NRP2: variants seen among roughly 807,000 people sequenced by gnomAD.
NRP2 encodes the protein neuropilin-2.
Under a neutral mutation model 110.4 loss-of-function variants are expected in NRP2, and 52 were observed. That is an observed-to-expected ratio of 0.47 (90% CI 0.38 to 0.59). NRP2 has a LOEUF of 0.59. Ranked by LOEUF, NRP2 falls within the 20% of genes least tolerant of loss-of-function variation. NRP2 has a pLI of 0.00. For synonymous variants in NRP2, 508 were observed against 468.9 expected (o/e 1.08, Z -1.08); for missense variants, 1,049 against 1,203.0 (o/e 0.87, Z 1.89).
intron 2 of NRP2, 44 bp from the exon 3 acceptor site, chr2:205,716,149 T>C (rs781637032): frequency 1.2e-6 from 2 of 1,600,938 alleles, no homozygotes; most frequent in Admixed American, 1.7e-5. Context: ...GTCCTTCTCA[T>C]GTCCTTCGAG....
chr2:205,789,130 G>T (rs1485214274), intron 15 of NRP2, among the ~76,000 whole-genome samples: 10 of 152,164 alleles, frequency 6.6e-5, no homozygotes, highest in Non-Finnish European at 2.9e-5. Context: ...AGATAAGGCA[G>T]ACTCTTTTAT....
intron 1 of NRP2, among the ~76,000 whole-genome samples, chr2:205,689,899 T>C (rs1201427500): frequency 6.6e-6 from 1 of 152,214 alleles, no homozygotes; most frequent in Non-Finnish European, 1.5e-5. Flanking sequence ...AAATAGCTTT[T>C]ACCCAGCAAG....
At chr2:205,751,444 A>T (rs2057643948) in intron 11 of NRP2, among the ~76,000 whole-genome samples, 2 of 152,180 alleles carry the variant, frequency 1.3e-5, no homozygotes. Context: ...GAAGAGAAAA[A>T]TAGAAATTCA....
intron 15 of NRP2, among the ~76,000 whole-genome samples, chr2:205,768,909 C>G (rs1043408089): frequency 6.6e-6 from 1 of 152,140 alleles, no homozygotes; most frequent in Non-Finnish European, 1.5e-5. Flanking sequence ...CACCTTGGCA[C>G]GTTTTACATG....
chr2:205,751,089 A>C (rs1345485091), intron 11 of NRP2, among the ~76,000 whole-genome samples: 4 of 152,154 alleles, frequency 2.6e-5, no homozygotes, highest in Non-Finnish European at 5.9e-5. Flanking sequence ...GACTTGGAGA[A>C]TCTTCCAAGA....
rs747270518 is a variant in NRP2, at chr2:205,763,977, A to G, written c.2307+41A>G. The G allele has an allele frequency of 3.6e-5, 58 of 1,611,714 alleles. No individual in the cohort carries two copies. The highest frequency in any genetic ancestry group is 4.5e-5 in the Non-Finnish European group (53 of 1,178,698). On this transcript the variant is annotated intron_variant, in intron 13 of 16. Transcript: ENST00000357785. This position sits in a 1 kb window ranked among gnomAD's most constrained non-coding sequence, Gnocchi z 4.0. ...AGGGAATCTTGTGATCCGTATTTCA[A>G]TATTTCAAGGGCCGAGCCCATTCAT...
Position 205,704,818 on chromosome 2 carries a change from C to T in NRP2, c.251+7097C>T, listed in dbSNP as rs541228386. 1.6e-4 allele frequency among the ~76,000 whole-genome samples: 25 copies of T among 152,270 alleles called. No individual in the cohort carries two copies. In the South Asian group the frequency reaches 4.8e-3, roughly 29 times the overall value. On this transcript the variant is annotated intron_variant, in intron 2 of 16. Transcript: ENST00000357785. Reference sequence around the variant, plus strand: ...GTTATCATGCACAATCCCACTTGTTCTGCCTCTCCACCCTGGCACCTTCTC... The same window carrying T: ...GTTATCATGCACAATCCCACTTGTTTTGCCTCTCCACCCTGGCACCTTCTC...
intron 3 of NRP2, 146 bp downstream of exon 3, chr2:205,716,520 T>C (rs1310110384): frequency 3.8e-6 from 2 of 520,650 alleles, no homozygotes; most frequent in African/African-American, 4.7e-5. Flanking sequence ...CCCACAAACA[T>C]CATGAGAAGA....
rs143474070 is a variant in NRP2, at chr2:205,713,118, G to C, written c.252-3075G>C. Among the ~76,000 whole-genome samples, 270 of 152,260 alleles carry C rather than the reference G, an allele frequency of 1.8e-3. 2 individuals are homozygous for C. Among genetic ancestry groups the C allele is most frequent in the African/African-American group, 6.0e-3 (250 of 41,544 alleles). ...AGGCAAGCTTGTAACAGTGGCATTT[G>C]TTGGGCAGCCCTGCTTCATTGCTGA... On this transcript the variant is annotated intron_variant, in intron 2 of 16. Coordinates refer to ENST00000357785, the MANE Select transcript of NRP2 (RefSeq NM_003872.3).
At chr2:205,744,614 T>G (rs1559342859) in intron 9 of NRP2, among the ~76,000 whole-genome samples, 1 of 152,174 alleles carries the variant, frequency 6.6e-6, no homozygotes, top group Non-Finnish European at 1.5e-5. Flanking sequence ...CAGGCCAGGC[T>G]CTCTGATTCT....
intron 12 of NRP2, among the ~76,000 whole-genome samples, chr2:205,757,065 G>C (rs1656446844): frequency 6.6e-6 from 1 of 152,182 alleles, no homozygotes; most frequent in South Asian, 2.1e-4. Context: ...CCCTAAATCT[G>C]TGCTCTTTTA....
chr2:205,795,302 C>T lies in NRP2; in HGVS notation c.*244C>T. 2 of 481,348 alleles carry T rather than the reference C, an allele frequency of 4.2e-6. No individual in the cohort carries two copies. Among genetic ancestry groups the T allele is most frequent in the South Asian group, 2.1e-5 (1 of 47,418 alleles). The allele number at this position is 481,348 out of a possible 1,614,324, so 29.8% of individuals were successfully genotyped here. A position where few individuals can be genotyped will look rare whatever the true frequency, so the allele number is the denominator to read the frequency against. Reference sequence around the variant, plus strand: ...TGCAGGAACGGGGCTGTGTTCTCTGCTGGGACAAAACAGGAGCTCATCTCT... The same window carrying T: ...TGCAGGAACGGGGCTGTGTTCTCTGTTGGGACAAAACAGGAGCTCATCTCT... On this transcript the variant is annotated 3_prime_UTR_variant, in exon 17 of 17. Coordinates refer to ENST00000357785, the MANE Select transcript of NRP2 (RefSeq NM_003872.3).
At chr2:205,762,711 C>T (rs2105916603) in intron 12 of NRP2, among the ~76,000 whole-genome samples, 1 of 152,280 alleles carries the variant, frequency 6.6e-6, no homozygotes, top group East Asian at 1.9e-4. Flanking sequence ...TCACCAAATG[C>T]CACCTTGTTC....
At position 205,795,035 on chromosome 2, in the gene NRP2, C is replaced by T. The variant is rs184981869; in HGVS notation, c.2758C>T (p.Gln920Ter). The T allele has an allele frequency of 1.9e-6, 3 of 1,614,176 alleles. No individual in the cohort carries two copies. Among genetic ancestry groups the T allele is most frequent in the Admixed American group, 3.3e-5 (2 of 60,026 alleles). The change falls in exon 17 of 17, where the codon CAA becomes TAA. Residue 920 changes from glutamine to a stop codon, truncating the protein, a stop_gained. Coordinates refer to ENST00000357785, the MANE Select transcript of NRP2 (RefSeq NM_003872.3). LOFTEE classifies it high-confidence loss of function. ...GLKHKVKMNHQKCCSEA is the reference protein window; with the variant it reads ...GLKHKVKMNH The stretch of plus-strand genomic sequence containing the variant: ...TAAGCACAAGGTCAAGATGAACCAC[C>T]AAAAGTGCTGCTCCGAGGCATGACG...
intron 15 of NRP2, chr2:205,767,660 C>T: frequency 3.9e-6 from 1 of 257,604 alleles, no homozygotes; most frequent in South Asian, 3.5e-5. Flanking sequence ...ACATTTTGCC[C>T]TCTTTGCAAA....
At chr2:205,785,501 G>A (rs2105965184) in intron 15 of NRP2, among the ~76,000 whole-genome samples, 1 of 152,324 alleles carries the variant, frequency 6.6e-6, no homozygotes, top group East Asian at 1.9e-4. Flanking sequence ...GAAATGAAAA[G>A]AGCCAATTGC....
intron 12 of NRP2, among the ~76,000 whole-genome samples, chr2:205,753,873 A>G (rs1034781721): frequency 1.3e-5 from 2 of 152,240 alleles, no homozygotes; most frequent in African/African-American, 4.8e-5. Flanking sequence ...CATTGTGCAA[A>G]TACAGTAGAC....
At position 205,752,677 on chromosome 2, in the gene NRP2, C is replaced by G. The variant is rs564201055; in HGVS notation, c.1904-158C>G. The G allele has an allele frequency of 3.2e-5, 24 of 761,234 alleles. No individual in the cohort carries two copies. The African/African-American group carries it at 3.6e-4, about 11-fold the overall frequency. 47.2% of individuals were successfully genotyped at this position (761,234 alleles called of 1,614,324 possible). A position where few individuals can be genotyped will look rare whatever the true frequency, so the allele number is the denominator to read the frequency against. On this transcript the variant is annotated intron_variant, in intron 11 of 16. Transcript: ENST00000357785. ...TGAGACCAAAGCCTGACCCGAAAGC[C>G]AGCGATCGCCAAGATGAGTTAAATG...
chr2:205,722,806 A>G lies in NRP2; in HGVS notation c.664+98A>G, dbSNP rs75797456. ...GAAGAACAAAGACTTCAAAGCTCCT[A>G]TGAGTTCTTATATGACCCATGGTGA... On this transcript the variant is annotated intron_variant, in intron 4 of 16. Coordinates refer to ENST00000357785, the MANE Select transcript of NRP2 (RefSeq NM_003872.3). 6.6e-4 allele frequency: 624 copies of G among 944,484 alleles called. 6 individuals are homozygous for G. The East Asian group carries it at 0.015, about 22-fold the overall frequency. The allele number at this position is 944,484 out of a possible 1,614,324, so 58.5% of individuals were successfully genotyped here. A position where few individuals can be genotyped will look rare whatever the true frequency, so the allele number is the denominator to read the frequency against.
Sources: allele counts gnomAD v4.1 joint callset (sites outside exome capture counted in the v4.1 genomes callset), GRCh38; gene constraint gnomAD v4.1.1; non-coding constraint Gnocchi (gnomAD v3.1); transcripts MANE v1.5; gene names NCBI Gene and HGNC (gene_info 2026-07-23, HGNC 2026-07-21).